Variants in HHIP observed in about 807,000 individuals in gnomAD.
HHIP encodes the protein hedgehog interacting protein, also known as hedgehog-interacting protein.
A neutral mutation model predicts 74.0 loss-of-function variants in HHIP; 12 were observed. The observed-to-expected ratio is 0.16, with a 90% CI of 0.10 to 0.26. HHIP has a LOEUF of 0.26. HHIP is among the 10% of genes least tolerant of loss of function. The pLI, the probability that HHIP is intolerant of heterozygous loss-of-function variation, is 1.00. For missense variants in HHIP, 788 were observed against 845.0 expected, an observed-to-expected ratio of 0.93 and a Z score of 0.84; for synonymous variants, 309 against 311.6, an observed-to-expected ratio of 0.99 and a Z score of 0.09.
intron 1 of HHIP, chr4:144,648,235 G>A (rs1192973711): frequency 6.6e-6 from 1 of 152,222 alleles, no homozygotes; most frequent in Non-Finnish European, 1.5e-5. Context: ...CCCACACACA[G>A]AGTCCTGTTG....
rs747671296 is a variant in HHIP, at chr4:144,646,899, G to C, written c.224G>C (p.Arg75Pro). 6.2e-7 allele frequency: 1 copy of C among 1,614,018 alleles called. No homozygotes were observed. Among genetic ancestry groups the C allele is most frequent in the South Asian group, 1.1e-5 (1 of 91,064 alleles). The change falls in exon 1 of 13, where the codon CGG (arginine) becomes CCG (proline). Residue 75 changes from arginine to proline, a missense_variant. Around this residue, in one of 3 missense-constraint regions of HHIP, gnomAD observed 373 missense variants for 366.4 expected, o/e 1.02. Coordinates refer to ENST00000296575, the MANE Select transcript of HHIP (RefSeq NM_022475.3). The part of the protein sequence containing the change: ...GEMLCGGFYP[R>P]LSCCLRSDSP... ...ATGCTGTGCGGTGGCTTCTACCCTCGGCTGTCCTGCTGCCTGCGGAGTGAC... is the reference window on the plus strand; with the variant it reads ...ATGCTGTGCGGTGGCTTCTACCCTCCGCTGTCCTGCTGCCTGCGGAGTGAC...
chr4:144,700,541 C>A (rs546861671), intron 4 of HHIP, among the ~76,000 whole-genome samples: 273 of 152,152 alleles, frequency 1.8e-3, no homozygotes, highest in Middle Eastern at 0.01. Context: ...TCTGGGTGGG[C>A]TCAGTGTAAT....
rs373309497 is a variant in HHIP at position 144,708,336 on chromosome 4, A to G, written c.1301+25A>G. 10 of 1,613,136 alleles carry G rather than the reference A, an allele frequency of 6.2e-6. No homozygotes were observed. In the African/African-American group the frequency reaches 1.3e-4, roughly 22 times the overall value. ...GGTGAGAACACAAGTCTGTCTTCTC[A>G]CTGGCTTTTAAGCCAGGCGGGGATC... On this transcript the variant is annotated intron_variant, in intron 7 of 12. Coordinates refer to ENST00000296575, the MANE Select transcript of HHIP (RefSeq NM_022475.3).
rs1491032718 is a variant in HHIP, at chr4:144,742,938, CTT to C, written c.*4982_*4983del. ...CTTATATATATATCTTTATATATAT[CTT>C]ATATATATATCTTATACATATAAGA... On this transcript the variant is annotated 3_prime_UTR_variant, in exon 13 of 13. Coordinates refer to ENST00000296575, the MANE Select transcript of HHIP (RefSeq NM_022475.3). 6.1e-5 allele frequency: 7 copies of C among 115,504 alleles called. No homozygotes were observed. The South Asian group carries it at 7.8e-4, about 13-fold the overall frequency. The allele number at this position is 115,504 out of a possible 1,614,324, so 7.2% of individuals were successfully genotyped here. A position where few individuals can be genotyped will look rare whatever the true frequency, so the allele number is the denominator to read the frequency against.
At chr4:144,669,069 A>G (rs914150310) in intron 4 of HHIP, among the ~76,000 whole-genome samples, 2 of 151,512 alleles carry the variant, frequency 1.3e-5, no homozygotes, top group Non-Finnish European at 2.9e-5. Context: ...TATGTTTTCA[A>G]TTACTACATT....
chr4:144,730,021 T>C (rs1730909852), intron 11 of HHIP, among the ~76,000 whole-genome samples: 1 of 152,212 alleles, frequency 6.6e-6, no homozygotes, highest in Non-Finnish European at 1.5e-5. Flanking sequence ...TCTCATGTAC[T>C]GATTTATTTG....
rs199720128 is a variant in HHIP at position 144,646,726 on chromosome 4, C to T, written c.51C>T (p.Gly17=). Residue 17 remains glycine (G), a synonymous_variant, in exon 1 of 13, where the codon GGC becomes GGT. Transcript: ENST00000296575. The part of the protein sequence containing the change: ...FKLLLLAVAL[G]FFEGDAKFGE... ...TGCTGCTGCTGGCCGTGGCTCTGGGCTTCTTTGAAGGAGATGCTAAGTTTG... is the reference window on the plus strand; with the variant it reads ...TGCTGCTGCTGGCCGTGGCTCTGGGTTTCTTTGAAGGAGATGCTAAGTTTG... 57 of 1,614,142 alleles carry T rather than the reference C, an allele frequency of 3.5e-5. No homozygotes were observed. The highest frequency in any genetic ancestry group is 4.7e-5 in the Non-Finnish European group (56 of 1,180,008).
In HHIP at chr4:144,743,443, C is replaced by T. The variant is rs975155662; in HGVS notation, c.*5486C>T. The stretch of plus-strand genomic sequence containing the variant: ...TCAACAGAAAGCCTTGTGCTTAAAA[C>T]CTGTTATTCTTCTTTGAGCCAGACT... On this transcript the variant is annotated 3_prime_UTR_variant, in exon 13 of 13. Coordinates refer to ENST00000296575, the MANE Select transcript of HHIP (RefSeq NM_022475.3). 1.3e-5 allele frequency: 2 copies of T among 151,920 alleles called. No individual in the cohort carries two copies. Among genetic ancestry groups the T allele is most frequent in the Admixed American group, 6.6e-5 (1 of 15,226 alleles). The allele number at this position is 151,920 out of a possible 1,614,324, so 9.4% of individuals were successfully genotyped here. A position where few individuals can be genotyped will look rare whatever the true frequency, so the allele number is the denominator to read the frequency against.
intron 11 of HHIP, 45 bp from the exon 12 acceptor site, chr4:144,734,696 G>T (rs1025093897): frequency 4.9e-6 from 7 of 1,422,066 alleles, no homozygotes; most frequent in South Asian, 3.1e-5. Context: ...TTCCACTGTT[G>T]ATTTTCAAAT....
chr4:144,646,497 C>G lies in HHIP; in HGVS notation c.-179C>G. 6 of 605,136 alleles carry G rather than the reference C, an allele frequency of 9.9e-6. No homozygotes were observed. The highest frequency in any genetic ancestry group is 2.9e-6 in the Non-Finnish European group (1 of 347,416). The allele number at this position is 605,136 out of a possible 1,614,324, so 37.5% of individuals were successfully genotyped here. Reference sequence around the variant, plus strand: ...TAAGGCATTGGACCCATCGCCGCGTCTTTTATTTTTTGCAAAGTTGCATCG... The same window carrying G: ...TAAGGCATTGGACCCATCGCCGCGTGTTTTATTTTTTGCAAAGTTGCATCG... On this transcript the variant is annotated 5_prime_UTR_variant, in exon 1 of 13. Transcript: ENST00000296575.
In HHIP at chr4:144,714,347, G is replaced by T. The variant is rs555696124; in HGVS notation, c.1546G>T (p.Gly516Trp). 5.6e-6 allele frequency: 9 copies of T among 1,613,212 alleles called. 1 individual carries two copies. In the South Asian group the frequency reaches 9.9e-5, roughly 18 times the overall value. ...YGSYVFGDRN[G>W]NFLTLQQSPV... ...AAGCTACGTGTTTGGAGATCGTAAT[G>T]GGTAGGTTTCCTGATACCACAACAG... The change falls in exon 9 of 13, where the codon GGG (glycine) becomes TGG (tryptophan). Residue 516 changes from glycine to tryptophan, a missense_variant and splice_region_variant. By Grantham distance (184) the Gly-to-Trp change is radical (BLOSUM62 -2). Transcript: ENST00000296575.
chr4:144,731,812 G>A (rs1730965244), intron 11 of HHIP, among the ~76,000 whole-genome samples: 1 of 152,092 alleles, frequency 6.6e-6, no homozygotes, highest in Non-Finnish European at 1.5e-5. Context: ...AATACATGGT[G>A]GTATAAATGT....
At position 144,676,750 on chromosome 4, in the gene HHIP, G is replaced by T. The variant is rs147406676; in HGVS notation, c.831+16912G>T. On this transcript the variant is annotated intron_variant, in intron 4 of 12. Coordinates refer to ENST00000296575, the MANE Select transcript of HHIP (RefSeq NM_022475.3). ...TGGTCAGGAAAAGCAACAAGGATAT[G>T]AGGAACTCAAATTTCATGAGGGAGA... 3.8e-3 allele frequency among the ~76,000 whole-genome samples: 571 copies of T among 152,242 alleles called. 5 individuals are homozygous for T. Among genetic ancestry groups the T allele is most frequent in the African/African-American group, 0.013 (537 of 41,548 alleles).
intron 10 of HHIP, 57 bp from the exon 11 acceptor site, chr4:144,718,817 AG>A: frequency 1.0e-6 from 1 of 963,876 alleles, no homozygotes; most frequent in Non-Finnish European, 1.7e-6. Flanking sequence ...GCCAGGCAAT[AG>A]GAAGTAAGGA....
rs370259765 is a variant in HHIP, at chr4:144,708,161, T to A, written c.1158-7T>A. 1 of 1,613,722 alleles carries A rather than the reference T, an allele frequency of 6.2e-7. No individual in the cohort carries two copies. The highest frequency in any genetic ancestry group is 8.5e-7 in the Non-Finnish European group (1 of 1,179,776). ...TAAAACACATACTCTGTCCCCCAAT[T>A]TCTCAGTGATTTCACAGGCTCAGTG... On this transcript the variant is annotated splice_polypyrimidine_tract_variant and splice_region_variant and intron_variant, in intron 6 of 12. Transcript: ENST00000296575.
intron 11 of HHIP, among the ~76,000 whole-genome samples, chr4:144,722,346 T>C (rs895619331): frequency 2.7e-4 from 41 of 152,234 alleles, no homozygotes; most frequent in African/African-American, 9.9e-4. Flanking sequence ...CCTTTGTCCA[T>C]CAAAAATATA....
At chr4:144,710,320 T>C (rs1278276761) in intron 7 of HHIP, among the ~76,000 whole-genome samples, 1 of 152,200 alleles carries the variant, frequency 6.6e-6, no homozygotes, top group Non-Finnish European at 1.5e-5. Context: ...TGTATCATGA[T>C]CCCTGCCAGG....
chr4:144,687,264 C>G (rs1485210871), intron 4 of HHIP, among the ~76,000 whole-genome samples: 1 of 152,128 alleles, frequency 6.6e-6, no homozygotes, highest in Non-Finnish European at 1.5e-5. Context: ...ATGGCTTTCA[C>G]ATAAATAGAG....
intron 10 of HHIP, among the ~76,000 whole-genome samples, chr4:144,717,751 TTCTC>T (rs373121047): frequency 1.3e-5 from 2 of 149,506 alleles, no homozygotes; most frequent in Admixed American, 6.7e-5. Flanking sequence ...CTCTCTCTCT[TTCTC>T]TCTCTCTCTC....
Sources: gnomAD v4.1 joint callset for allele counts (sites outside exome capture counted in the v4.1 genomes callset) on GRCh38, gnomAD v4.1.1 for gene constraint, gnomAD v4.1.1 regional missense constraint, MANE v1.5 for transcripts, NCBI Gene and HGNC (gene_info 2026-07-23, HGNC 2026-07-21) for gene names.